MCF2L2: variants seen among roughly 807,000 people sequenced by gnomAD.
MCF2L2 encodes the protein probable guanine nucleotide exchange factor MCF2L2.
Under a neutral mutation model 150.2 loss-of-function variants are expected in MCF2L2, and 102 were observed. The ratio of observed to expected loss-of-function variants is 0.68; its 90% confidence interval spans 0.58 to 0.80. The LOEUF is 0.80. Among genes scored for constraint, MCF2L2 ranks in the 30% least tolerant of loss-of-function variants. MCF2L2 has a pLI of 0.00. For missense variants in MCF2L2, 1,256 were observed against 1,372.8 expected (o/e 0.91, Z 1.34); for synonymous variants, 465 against 491.3 (o/e 0.95, Z 0.71).
In MCF2L2 at chr3:183,270,721, A is replaced by G; in HGVS notation, c.1862+6151T>C. 6.2e-7 allele frequency: 1 copy of G among 1,613,898 alleles called. No individual in the cohort carries two copies. The highest frequency in any genetic ancestry group is 8.5e-7 in the Non-Finnish European group (1 of 1,179,906). On this transcript the variant is annotated intron_variant, in intron 15 of 29. Transcript: ENST00000328913. The surrounding 1 kb of genome is among the most constrained non-coding windows in gnomAD (Gnocchi z 4.5). ...CATGTGTTTTTTTCTGGAGAGGGTA[A>G]AACTCCTTATCATCCCTGCATCTAT...
intron 23 of MCF2L2, 113 bp downstream of exon 23, chr3:183,207,495 G>T: frequency 1.3e-6 from 1 of 778,722 alleles, no homozygotes; most frequent in Non-Finnish European, 2.1e-6. Context: ...TGTGGTATTT[G>T]GCAAGTTAAC....
chr3:183,231,035 G>A lies in MCF2L2; in HGVS notation c.1863-18C>T. The A allele has an allele frequency of 1.9e-6, 3 of 1,594,602 alleles. No individual in the cohort carries two copies. Among genetic ancestry groups the A allele is most frequent in the Admixed American group, 1.7e-5 (1 of 59,986 alleles). On this transcript the variant is annotated intron_variant, in intron 15 of 29. Transcript: ENST00000328913. ...TAATGCGCCTGAATCACAGCAGCAG[G>A]TGGGAGGGTGAAAGAGAGAGAGACA...
intron 7 of MCF2L2, among the ~76,000 whole-genome samples, chr3:183,314,452 C>T (rs1287867786): frequency 6.6e-6 from 1 of 152,058 alleles, no homozygotes; most frequent in East Asian, 1.9e-4. Flanking sequence ...AAAATAGTAA[C>T]AACTCCCTGG....
In MCF2L2 at chr3:183,238,444, G is replaced by A. The variant is rs548735729; in HGVS notation, c.1863-7427C>T. 7.3e-5 allele frequency among the ~76,000 whole-genome samples: 11 copies of A among 151,714 alleles called. No homozygotes were observed. In the South Asian group the frequency reaches 1.5e-3, roughly 20 times the overall value. ...CGAGTAGCTGGGACTGCAGGCGTGC[G>A]CCACCATGCCCAGCTAACTTTTTGT... On this transcript the variant is annotated intron_variant, in intron 15 of 29. Coordinates refer to ENST00000328913, the MANE Select transcript of MCF2L2 (RefSeq NM_015078.4).
chr3:183,299,839 C>T (rs958626557), intron 11 of MCF2L2, 166 bp downstream of exon 11: 5 of 691,940 alleles, frequency 7.2e-6, no homozygotes, highest in African/African-American at 3.7e-5. Context: ...GCCAGGTATA[C>T]TTCTACACCC....
Position 183,205,930 on chromosome 3 carries a change from A to C in MCF2L2, c.2830T>G (p.Cys944Gly). The C allele has an allele frequency of 6.2e-7, 1 of 1,614,122 alleles. No individual in the cohort carries two copies. The highest frequency in any genetic ancestry group is 8.5e-7 in the Non-Finnish European group (1 of 1,179,940). Reference protein sequence around the residue: ...LQAASKEIRDCWFSEISKLLM... With the variant: ...LQAASKEIRDGWFSEISKLLM... ...AATTTACTTATTTCTGAAAACCAAC[A>C]GTCTCTGATTTCTTTTGAAGCTGCC... The change falls in exon 25 of 30, where the codon TGT becomes GGT. Residue 944 changes from cysteine to glycine, a missense_variant. Coordinates refer to ENST00000328913, the MANE Select transcript of MCF2L2 (RefSeq NM_015078.4).
chr3:183,277,299 T>G (rs561057039), intron 14 of MCF2L2, among the ~76,000 whole-genome samples: 1 of 148,644 alleles, frequency 6.7e-6, no homozygotes, highest in African/African-American at 2.5e-5. Flanking sequence ...ATCACACCAT[T>G]GCACTCCAGC....
At chr3:183,416,884 T>G (rs888298286) in intron 1 of MCF2L2, among the ~76,000 whole-genome samples, 1 of 151,244 alleles carries the variant, frequency 6.6e-6, no homozygotes, top group Admixed American at 6.6e-5. Context: ...CTGAGGCGGG[T>G]GGATCACGAG....
intron 27 of MCF2L2, among the ~76,000 whole-genome samples, chr3:183,188,038 T>A (rs1721757785): frequency 6.6e-6 from 1 of 152,170 alleles, no homozygotes; most frequent in African/African-American, 2.4e-5. Flanking sequence ...GAGGGACATG[T>A]CTGATGCTCA....
At chr3:183,282,432 C>G (rs560957630) in intron 14 of MCF2L2, among the ~76,000 whole-genome samples, 1 of 152,246 alleles carries the variant, frequency 6.6e-6, no homozygotes, top group South Asian at 2.1e-4. Flanking sequence ...GACTAATACT[C>G]TAAACGCTAT....
chr3:183,299,908 C>G, intron 11 of MCF2L2, 97 bp downstream of exon 11: 1 of 1,324,318 alleles, frequency 7.6e-7, no homozygotes. Context: ...GCACTCAAGC[C>G]TCTCAGCAAT....
In MCF2L2 at chr3:183,341,650, G is replaced by A; in HGVS notation, c.276-20C>T. ...TCCACACTGCAAAGAAGGGTGGTCA[G>A]TGTCAGAGATTAGGTGAGACCCATA... On this transcript the variant is annotated intron_variant, in intron 3 of 29. Transcript: ENST00000328913. 6.4e-7 allele frequency: 1 copy of A among 1,573,934 alleles called. No homozygotes were observed. The highest frequency in any genetic ancestry group is 1.3e-5 in the African/African-American group (1 of 74,290).
intron 27 of MCF2L2, among the ~76,000 whole-genome samples, chr3:183,182,158 C>T (rs9880334): frequency 0.03 from 4,592 of 152,212 alleles, 248 homozygotes; most frequent in African/African-American, 0.11. Flanking sequence ...CCATTCCCTG[C>T]CTCCAGGCGA....
In MCF2L2 at chr3:183,303,194, C is replaced by CAAAAAAAAAAAAA. The variant is rs56742154; in HGVS notation, c.1114-2999_1114-2998insTTTTTTTTTTTTT. Among the ~76,000 whole-genome samples the CAAAAAAAAAAAAA allele has an allele frequency of 9.5e-4, 118 of 123,786 alleles. 1 individual carries two copies. Among genetic ancestry groups the CAAAAAAAAAAAAA allele is most frequent in the African/African-American group, 2.8e-3 (87 of 31,362 alleles). The allele number at this position is 123,786 out of a possible 152,430, so 81.2% of individuals were successfully genotyped here. On this transcript the variant is annotated intron_variant, in intron 10 of 29. Transcript: ENST00000328913. ...GGGCAACAGAATGAGACTCTGTCTC[C>CAAAAAAAAAAAAA]AAAAAAAAAAAAGAATTCCTCCCTC... is the stretch of plus-strand genomic sequence containing the variant.
chr3:183,231,659 A>G (rs1194952867), intron 15 of MCF2L2, among the ~76,000 whole-genome samples: 2 of 150,044 alleles, frequency 1.3e-5, no homozygotes, highest in African/African-American at 2.5e-5. Flanking sequence ...AGGTCTTGCT[A>G]TGTTACCCAG....
At chr3:183,323,389 G>T in intron 5 of MCF2L2, 38 bp from the exon 6 acceptor site, 1 of 1,050,618 alleles carries the variant, frequency 9.5e-7, no homozygotes, top group Non-Finnish European at 1.5e-6. Context: ...ACTCCTCATT[G>T]ATCATTAAAT....
intron 10 of MCF2L2, among the ~76,000 whole-genome samples, chr3:183,300,731 T>C (rs1728797989): frequency 6.6e-6 from 1 of 152,038 alleles, no homozygotes; most frequent in Admixed American, 6.6e-5. Flanking sequence ...AATATGCTTG[T>C]CTAGGCTGGG....
At chr3:183,288,624 G>C (rs1018250984) in intron 14 of MCF2L2, among the ~76,000 whole-genome samples, 1 of 151,942 alleles carries the variant, frequency 6.6e-6, no homozygotes, top group Non-Finnish European at 1.5e-5. Context: ...TGGGATTACA[G>C]GCATCTGCCA....
intron 5 of MCF2L2, among the ~76,000 whole-genome samples, chr3:183,331,990 C>G (rs9822954): frequency 0.93 from 141,394 of 152,316 alleles, 65,752 homozygotes; most frequent in East Asian, 1. Flanking sequence ...ATACCAGTCA[C>G]ACAAAATAAA....
Sources: gnomAD v4.1 joint callset for allele counts (sites outside exome capture counted in the v4.1 genomes callset) on GRCh38, gnomAD v4.1.1 for gene constraint, Gnocchi (gnomAD v3.1) non-coding constraint, MANE v1.5 for transcripts, NCBI Gene and HGNC (gene_info 2026-07-23, HGNC 2026-07-21) for gene names.